The following SLC67A2 variants were observed in gnomAD, a reference collection of about 807,000 sequenced individuals.
The protein encoded by SLC67A2 is solute carrier family 67 member A2.
At chr2:102,718,996 G>C in the SLC67A2 span, 1 of 1,614,198 alleles carries the variant, frequency 6.2e-7, no homozygotes, top group Non-Finnish European at 8.5e-7. Context: ...CCCACATTTC[G>C]GAAAACAGCA....
At chr2:102,736,871 C>T in the SLC67A2 span, 1 of 1,504,220 alleles carries the variant, frequency 6.6e-7, no homozygotes, top group Non-Finnish European at 8.8e-7. Context: ...GGAGCCCAGC[C>T]CCGCCCCGAG....
the SLC67A2 span, among the ~76,000 whole-genome samples, chr2:102,714,833 TCA>T: frequency 0.011 from 1,601 of 152,314 alleles, 31 homozygotes; most frequent in African/African-American, 0.037. Flanking sequence ...GCATGGAGAT[TCA>T]GTCTCATGGC....
the SLC67A2 span, chr2:102,715,902 C>A: frequency 6.6e-6 from 1 of 152,142 alleles, no homozygotes; most frequent in Non-Finnish European, 1.5e-5. Flanking sequence ...AATACTACCC[C>A]TTAGACCAGG....
At chr2:102,719,515 T>C in the SLC67A2 span, among the ~76,000 whole-genome samples, 3 of 152,232 alleles carry the variant, frequency 2.0e-5, no homozygotes, top group Non-Finnish European at 2.9e-5. Flanking sequence ...TCTGAATTGT[T>C]ATAAATTTAA....
chr2:102,726,713 T>A, the SLC67A2 span: 1 of 1,348,586 alleles, frequency 7.4e-7, no homozygotes, highest in Non-Finnish European at 1.0e-6. Flanking sequence ...GGCTCCCTTC[T>A]GAACACTCTT....
chr2:102,729,901 G>T, the SLC67A2 span, among the ~76,000 whole-genome samples: 1,224 of 152,266 alleles, frequency 8.0e-3, 22 homozygotes, highest in African/African-American at 0.027. Flanking sequence ...TATGGAATCT[G>T]ACTGAATTTC....
At chr2:102,730,353 T>A in the SLC67A2 span, among the ~76,000 whole-genome samples, 1 of 151,758 alleles carries the variant, frequency 6.6e-6, no homozygotes, top group African/African-American at 2.4e-5. Context: ...CCTGGCCACC[T>A]CTGGATCTTT....
the SLC67A2 span, chr2:102,726,785 A>ACATATTGAGGTTC: frequency 6.6e-7 from 1 of 1,514,412 alleles, no homozygotes; most frequent in Non-Finnish European, 8.8e-7. Flanking sequence ...GTGCAGTTTC[A>ACATATTGAGGTTC]CATATTGAGG....
the SLC67A2 span, among the ~76,000 whole-genome samples, chr2:102,721,170 G>A: frequency 6.6e-6 from 1 of 152,202 alleles, no homozygotes; most frequent in East Asian, 1.9e-4. Flanking sequence ...CACTATTGTT[G>A]AAGGATCCAA....
the SLC67A2 span, among the ~76,000 whole-genome samples, chr2:102,733,556 G>T: frequency 6.6e-6 from 1 of 152,068 alleles, no homozygotes; most frequent in African/African-American, 2.4e-5. Flanking sequence ...CAGAGTGATG[G>T]TTTATTATTT....
At chr2:102,733,365 C>T in the SLC67A2 span, among the ~76,000 whole-genome samples, 7 of 152,138 alleles carry the variant, frequency 4.6e-5, no homozygotes, top group Non-Finnish European at 8.8e-5. Context: ...ATGTATTTTC[C>T]TTGAGCTCAG....
chr2:102,732,278 T>C, the SLC67A2 span: 1 of 1,496,500 alleles, frequency 6.7e-7, no homozygotes, highest in African/African-American at 1.4e-5. Context: ...GTTCAGAGGA[T>C]TTAAAATTCA....
At chr2:102,724,039 A>G in the SLC67A2 span, 1 of 716,702 alleles carries the variant, frequency 1.4e-6, no homozygotes, top group Non-Finnish European at 2.4e-6. Flanking sequence ...AGCTATGCTC[A>G]CCACTATACC....
the SLC67A2 span, among the ~76,000 whole-genome samples, chr2:102,721,534 T>C: frequency 6.6e-6 from 1 of 152,150 alleles, no homozygotes; most frequent in Non-Finnish European, 1.5e-5. Context: ...TAAGGAAAAC[T>C]GCCTAGCATG....
the SLC67A2 span, among the ~76,000 whole-genome samples, chr2:102,727,514 T>G: frequency 6.6e-6 from 1 of 152,248 alleles, no homozygotes; most frequent in Non-Finnish European, 1.5e-5. Context: ...GTTACCATTT[T>G]AATCACATTC....
At chr2:102,731,203 C>T in the SLC67A2 span, 2 of 531,592 alleles carry the variant, frequency 3.8e-6, no homozygotes, top group Non-Finnish European at 3.2e-6. Flanking sequence ...TATCTCACAT[C>T]TTTTTTTTTT....
chr2:102,716,303 G>A, the SLC67A2 span: 4 of 152,146 alleles, frequency 2.6e-5, no homozygotes, highest in Non-Finnish European at 5.9e-5. Context: ...GGGCTTTTAA[G>A]AAACTTGCCT....
At chr2:102,728,317 G>A in the SLC67A2 span, among the ~76,000 whole-genome samples, 9 of 151,972 alleles carry the variant, frequency 5.9e-5, no homozygotes, top group South Asian at 4.2e-4. Context: ...TGGTTCCTGC[G>A]TCCCTCCTTC....
chr2:102,720,179 C>T, the SLC67A2 span, among the ~76,000 whole-genome samples: 1 of 152,182 alleles, frequency 6.6e-6, no homozygotes, highest in Non-Finnish European at 1.5e-5. Flanking sequence ...CTATTCAGTG[C>T]TGCTTCATGT....
Sources: allele counts gnomAD v4.1 joint callset (sites outside exome capture counted in the v4.1 genomes callset), GRCh38; gene constraint gnomAD v4.1.1; transcripts MANE v1.5; gene names NCBI Gene and HGNC (gene_info 2026-07-23, HGNC 2026-07-21).